The following CPNE8 variants were observed in gnomAD, a reference collection of about 807,000 sequenced individuals.
CPNE8 encodes the protein copine-8.
Under a neutral mutation model 81.5 loss-of-function variants are expected in CPNE8, and 45 were observed. That is an observed-to-expected ratio of 0.55 (90% CI 0.44 to 0.71). CPNE8 has a LOEUF of 0.71. Among genes scored for constraint, CPNE8 ranks in the 30% least tolerant of loss-of-function variants. The probability of loss-of-function intolerance (pLI) is 0.00; values close to 1 mark genes in which losing one functional copy is unlikely to be tolerated. For synonymous variants in CPNE8, 252 were observed against 226.3 expected (o/e 1.11, Z -1.02); for missense variants, 594 against 672.1 (o/e 0.88, Z 1.28).
At chr12:38,865,113 A>G (rs1199930354) in intron 3 of CPNE8, among the ~76,000 whole-genome samples, 1 of 152,240 alleles carries the variant, frequency 6.6e-6, no homozygotes, top group African/African-American at 2.4e-5. Flanking sequence ...AAAACAAAGT[A>G]GGATATCTTT....
At chr12:38,726,073 C>T (rs1014853651) in intron 11 of CPNE8, among the ~76,000 whole-genome samples, 2 of 152,060 alleles carry the variant, frequency 1.3e-5, no homozygotes, top group Admixed American at 1.3e-4. Flanking sequence ...CGGCTCACCT[C>T]ATGCTGTGTG....
At chr12:38,674,997 C>G (rs1939256639) in intron 18 of CPNE8, among the ~76,000 whole-genome samples, 1 of 152,192 alleles carries the variant, frequency 6.6e-6, no homozygotes, top group African/African-American at 2.4e-5. Context: ...TGCTGTCTAG[C>G]ACAAAGTTCT....
rs1337356137 is a variant in CPNE8 at position 38,717,433 on chromosome 12, A to G, written c.914+6339T>C. 4.1e-5 allele frequency among the ~76,000 whole-genome samples: 5 copies of G among 122,398 alleles called. 1 individual carries two copies. Among genetic ancestry groups the G allele is most frequent in the Admixed American group, 2.4e-4 (3 of 12,626 alleles). The allele number at this position is 122,398 out of a possible 152,430, so 80.3% of individuals were successfully genotyped here. ...AGTAAACAAAGAAAGTGTGGTGTAT[A>G]TATATATATATATATATATATATAT... On this transcript the variant is annotated intron_variant, in intron 13 of 19. Coordinates refer to ENST00000331366, the MANE Select transcript of CPNE8 (RefSeq NM_153634.3).
intron 6 of CPNE8, among the ~76,000 whole-genome samples, chr12:38,778,023 C>A (rs1210310705): frequency 6.6e-6 from 1 of 152,124 alleles, no homozygotes; most frequent in Admixed American, 6.6e-5. Flanking sequence ...CTCCCATCAC[C>A]CCCACATGGG....
chr12:38,892,250 G>A (rs1944323710), intron 1 of CPNE8, among the ~76,000 whole-genome samples: 1 of 152,194 alleles, frequency 6.6e-6, no homozygotes, highest in African/African-American at 2.4e-5. Context: ...GGCTGGGAAA[G>A]GAATCTGGGC....
intron 15 of CPNE8, among the ~76,000 whole-genome samples, chr12:38,688,865 CTCAGGTGATGGGTGCA>C (rs1183532302): frequency 6.6e-6 from 1 of 152,094 alleles, no homozygotes; most frequent in East Asian, 1.9e-4. Flanking sequence ...GTGACCACTG[CTCAGGTGATGGGTGCA>C]TCAGAATCTC....
chr12:38,704,826 G>GTATATGTGTATATATATATATA (rs1940051754), intron 13 of CPNE8, among the ~76,000 whole-genome samples: 1 of 50,200 alleles, frequency 2.0e-5, no homozygotes, highest in South Asian at 8.1e-4. Flanking sequence ...GTATGTATGT[G>GTATATGTGTATATATATATATA]TATATATATA....
At chr12:38,720,724 A>G (rs1029149441) in intron 13 of CPNE8, 1 of 152,254 alleles carries the variant, frequency 6.6e-6, no homozygotes, top group African/African-American at 2.4e-5. Flanking sequence ...CGCTGGCTGC[A>G]GCAAGGAGGC....
At chr12:38,797,711 C>T (rs917664530) in intron 6 of CPNE8, among the ~76,000 whole-genome samples, 16 of 152,046 alleles carry the variant, frequency 1.1e-4, no homozygotes, top group South Asian at 2.1e-4. Context: ...ATGACTTTGA[C>T]GAGTAGAGAG....
chr12:38,838,895 C>A (rs1943425841), intron 5 of CPNE8, among the ~76,000 whole-genome samples: 1 of 152,046 alleles, frequency 6.6e-6, no homozygotes, highest in South Asian at 2.1e-4. Flanking sequence ...GCTCGTAATC[C>A]CCCTTTCTGT....
intron 6 of CPNE8, among the ~76,000 whole-genome samples, chr12:38,799,782 G>A (rs1422351859): frequency 2.1e-5 from 3 of 141,880 alleles, no homozygotes; most frequent in African/African-American, 4.9e-5. Context: ...GACAGTGGGC[G>A]CAGGCCAGTG....
At chr12:38,860,833 C>T (rs544561214) in intron 3 of CPNE8, among the ~76,000 whole-genome samples, 4 of 151,848 alleles carry the variant, frequency 2.6e-5, no homozygotes, top group East Asian at 3.9e-4. Context: ...AATGTCTGTC[C>T]GGGGTTGAAG....
intron 16 of CPNE8, among the ~76,000 whole-genome samples, chr12:38,681,982 A>G (rs183129954): frequency 1.1e-3 from 165 of 152,320 alleles, no homozygotes; most frequent in Non-Finnish European, 2.0e-3. Context: ...GCACTTTGGG[A>G]GGCTGAGGCG....
chr12:38,686,032 T>C (rs1939528068), intron 15 of CPNE8, among the ~76,000 whole-genome samples: 2 of 152,304 alleles, frequency 1.3e-5, no homozygotes, highest in South Asian at 4.1e-4. Context: ...AGATAACTGA[T>C]AACTTTACTT....
At chr12:38,739,743 T>C (rs568549180) in intron 10 of CPNE8, among the ~76,000 whole-genome samples, 1 of 152,304 alleles carries the variant, frequency 6.6e-6, no homozygotes, top group African/African-American at 2.4e-5. Context: ...TGAAGAAAAC[T>C]ATTATCTTGG....
chr12:38,793,835 A>G (rs769272942), intron 6 of CPNE8, among the ~76,000 whole-genome samples: 2 of 152,086 alleles, frequency 1.3e-5, no homozygotes, highest in African/African-American at 4.8e-5. Context: ...ATTACAAGCT[A>G]CAGTAATCAA....
At chr12:38,832,797 C>T (rs1168423906) in intron 5 of CPNE8, among the ~76,000 whole-genome samples, 2 of 152,006 alleles carry the variant, frequency 1.3e-5, no homozygotes, top group African/African-American at 4.8e-5. Context: ...TCCCAAAGAG[C>T]TAGGATTAGA....
intron 3 of CPNE8, among the ~76,000 whole-genome samples, chr12:38,856,639 C>T (rs1217797644): frequency 6.6e-6 from 1 of 152,102 alleles, no homozygotes; most frequent in Non-Finnish European, 1.5e-5. Flanking sequence ...GACAGTAGTG[C>T]TTACAAATTT....
intron 6 of CPNE8, among the ~76,000 whole-genome samples, chr12:38,824,402 T>C (rs1400779698): frequency 6.6e-6 from 1 of 152,140 alleles, no homozygotes; most frequent in Non-Finnish European, 1.5e-5. Flanking sequence ...TATTAAATAA[T>C]TTCAAATTCT....
Sources: allele counts gnomAD v4.1 joint callset (sites outside exome capture counted in the v4.1 genomes callset), GRCh38; gene constraint gnomAD v4.1.1; transcripts MANE v1.5; gene names NCBI Gene and HGNC (gene_info 2026-07-23, HGNC 2026-07-21).